The following NOL4 variants were observed in gnomAD, a reference collection of about 807,000 sequenced individuals.
The protein encoded by NOL4 is nucleolar protein 4, also known as cancer/testis antigen 125.
In NOL4, 17 loss-of-function variants were observed where a neutral mutation model predicts 75.9. The ratio of observed to expected loss-of-function variants is 0.22; its 90% CI spans 0.15 to 0.34. The LOEUF is 0.34. Ranked by LOEUF, NOL4 falls within the 10% of genes least tolerant of loss-of-function variation. The pLI is 1.00. For missense variants in NOL4, 614 were observed against 793.5 expected (o/e 0.77, Z 2.72); for synonymous variants, 292 against 289.9 (o/e 1.01, Z -0.07).
chr18:34,067,234 G>C (rs1181788184), intron 5 of NOL4, among the ~76,000 whole-genome samples: 3 of 152,164 alleles, frequency 2.0e-5, no homozygotes, highest in African/African-American at 7.2e-5. Flanking sequence ...AAGAAATGTA[G>C]TAGATAAAAG....
rs956429412 is a variant in NOL4 at position 34,147,662 on chromosome 18, T to C, written c.265-17642A>G. ...TTGGCATCAATGTTTATAATGGATA[T>C]TGGCCTGAAATTTTCTTTTTTTGTT... On this transcript the variant is annotated intron_variant, in intron 1 of 10. Transcript: ENST00000261592. Among the ~76,000 whole-genome samples the C allele has an allele frequency of 2.0e-4, 31 of 152,294 alleles. 1 individual carries two copies. The highest frequency in any genetic ancestry group is 7.5e-4 in the African/African-American group (31 of 41,570).
intron 1 of NOL4, among the ~76,000 whole-genome samples, chr18:34,149,086 T>A (rs1217633721): frequency 1.3e-5 from 2 of 151,740 alleles, no homozygotes; most frequent in Non-Finnish European, 3.0e-5. Flanking sequence ...TACAATTACA[T>A]CTTCCTGCAT....
chr18:33,893,624 C>T (rs190695468), intron 9 of NOL4, among the ~76,000 whole-genome samples: 39 of 152,096 alleles, frequency 2.6e-4, no homozygotes, highest in African/African-American at 7.2e-4. Context: ...TCTCTACCAT[C>T]GAATGAATGT....
chr18:34,139,654 G>T (rs1200592382), intron 1 of NOL4, among the ~76,000 whole-genome samples: 1 of 151,916 alleles, frequency 6.6e-6, no homozygotes, highest in Non-Finnish European at 1.5e-5. Context: ...ATTTTTTGGA[G>T]GGTTTTTTTG....
chr18:34,191,697 A>G (rs1268851747), intron 1 of NOL4, among the ~76,000 whole-genome samples: 5 of 152,120 alleles, frequency 3.3e-5, no homozygotes, highest in Non-Finnish European at 7.4e-5. Flanking sequence ...ACTTTCCCTT[A>G]GCTCTTGTTT....
chr18:34,205,192 A>G (rs777866526), intron 1 of NOL4, among the ~76,000 whole-genome samples: 1 of 152,176 alleles, frequency 6.6e-6, no homozygotes, highest in Non-Finnish European at 1.5e-5. Context: ...AAAACTCATC[A>G]TAATATTATT....
chr18:33,943,668 G>T (rs532158348), intron 8 of NOL4, among the ~76,000 whole-genome samples: 6 of 151,956 alleles, frequency 3.9e-5, no homozygotes, highest in East Asian at 3.9e-4. Flanking sequence ...TGACCCAATT[G>T]ATGTGATTAC....
At chr18:34,075,837 A>C (rs903052529) in intron 5 of NOL4, among the ~76,000 whole-genome samples, 1 of 152,168 alleles carries the variant, frequency 6.6e-6, no homozygotes, top group African/African-American at 2.4e-5. Flanking sequence ...ATTTTTGTAT[A>C]TGAGTTGTAT....
At chr18:34,076,423 G>A (rs1600499059) in intron 5 of NOL4, among the ~76,000 whole-genome samples, 1 of 152,314 alleles carries the variant, frequency 6.6e-6, no homozygotes, top group South Asian at 2.1e-4. Context: ...CCTGAATAGT[G>A]TAAATGATTA....
intron 9 of NOL4, among the ~76,000 whole-genome samples, chr18:33,934,522 TTTCTTCAA>T (rs2067925308): frequency 6.6e-6 from 1 of 152,176 alleles, no homozygotes; most frequent in Non-Finnish European, 1.5e-5. Context: ...GTGTACCCAC[TTTCTTCAA>T]TTATCTTAGC....
chr18:34,120,969 C>T (rs1457516734), intron 2 of NOL4, among the ~76,000 whole-genome samples: 1 of 152,138 alleles, frequency 6.6e-6, no homozygotes, highest in African/African-American at 2.4e-5. Context: ...ACTGAGATCA[C>T]AGGCATGTGC....
chr18:33,891,362 T>C (rs1162103051), intron 9 of NOL4, among the ~76,000 whole-genome samples: 1 of 152,128 alleles, frequency 6.6e-6, no homozygotes, highest in African/African-American at 2.4e-5. Flanking sequence ...TCTGCTTTCT[T>C]CTATTTTACA....
chr18:34,184,017 A>AT (rs1265312900), intron 1 of NOL4, among the ~76,000 whole-genome samples: 2 of 151,842 alleles, frequency 1.3e-5, no homozygotes, highest in Non-Finnish European at 2.9e-5. Context: ...AAAAAATGCA[A>AT]CTGATAGGAT....
At chr18:33,940,140 G>A (rs949159865) in intron 9 of NOL4, among the ~76,000 whole-genome samples, 1 of 152,048 alleles carries the variant, frequency 6.6e-6, no homozygotes, top group African/African-American at 2.4e-5. Context: ...GGAAGACAAT[G>A]TGGCGATTCT....
intron 1 of NOL4, among the ~76,000 whole-genome samples, chr18:34,206,223 C>A (rs2036113934): frequency 6.6e-6 from 1 of 151,244 alleles, no homozygotes; most frequent in Non-Finnish European, 1.5e-5. Context: ...TTGCATAGAG[C>A]CATACATATC....
chr18:33,858,657 A>G (rs529418784), intron 10 of NOL4, among the ~76,000 whole-genome samples: 10 of 152,170 alleles, frequency 6.6e-5, no homozygotes, highest in Middle Eastern at 3.4e-3. Context: ...CTTTTTGATG[A>G]TAGAATTTTA....
chr18:34,150,822 G>A (rs1488510634), intron 1 of NOL4, among the ~76,000 whole-genome samples: 2 of 151,658 alleles, frequency 1.3e-5, no homozygotes, highest in Non-Finnish European at 1.5e-5. Context: ...CAGACTGGAA[G>A]AAGACAAGCC....
intron 6 of NOL4, among the ~76,000 whole-genome samples, chr18:33,984,837 T>A (rs1027157103): frequency 1.3e-5 from 2 of 152,210 alleles, no homozygotes; most frequent in Middle Eastern, 3.4e-3. Flanking sequence ...AAAACAACAA[T>A]AACACAAAAC....
intron 5 of NOL4, among the ~76,000 whole-genome samples, chr18:34,044,812 C>G (rs1343265967): frequency 6.6e-6 from 1 of 152,146 alleles, no homozygotes; most frequent in Non-Finnish European, 1.5e-5. Context: ...CTCCCTCTTT[C>G]TATTGACTTT....
Sources: allele counts gnomAD v4.1 joint callset (sites outside exome capture counted in the v4.1 genomes callset), GRCh38; gene constraint gnomAD v4.1.1; transcripts MANE v1.5; gene names NCBI Gene and HGNC (gene_info 2026-07-23, HGNC 2026-07-21).